The following DCUN1D1 variants were observed in gnomAD, a reference collection of about 807,000 sequenced individuals.
DCUN1D1 encodes defective in cullin neddylation 1 domain containing 1.
A neutral mutation model predicts 39.0 loss-of-function variants in DCUN1D1; 3 were observed. The observed-to-expected ratio is 0.08, with a 90% CI of 0.04 to 0.20. The LOEUF (loss-of-function observed/expected upper bound fraction) is 0.20. Among genes scored for constraint, DCUN1D1 ranks in the 10% least tolerant of loss-of-function variants. The probability of loss-of-function intolerance (pLI) is 1.00; values close to 1 mark genes in which losing one functional copy is unlikely to be tolerated. For synonymous variants in DCUN1D1, 82 were observed against 96.3 expected, an observed-to-expected ratio of 0.85 and a Z score of 0.87; for missense variants, 158 against 302.4, an observed-to-expected ratio of 0.52 and a Z score of 3.54.
chr3:182,979,733 G>C (rs557755592), intron 1 of DCUN1D1, among the ~76,000 whole-genome samples: 1 of 151,928 alleles, frequency 6.6e-6, no homozygotes, highest in Middle Eastern at 3.2e-3. Flanking sequence ...TCGAAAGGGC[G>C]CTCGCTAGTC....
chr3:182,956,011 C>G (rs113971040), intron 4 of DCUN1D1: 17,073 of 153,536 alleles, frequency 0.11, 1,057 homozygotes, highest in Middle Eastern at 0.18. Context: ...TCACTGCAAC[C>G]TCTGACTCCC....
intron 6 of DCUN1D1, 76 bp from the exon 7 acceptor site, chr3:182,945,249 CT>C: frequency 1.1e-5 from 13 of 1,159,344 alleles, no homozygotes; most frequent in South Asian, 1.5e-5. Flanking sequence ...TAGTAGAATC[CT>C]TTTTTTAAGA....
intron 3 of DCUN1D1, among the ~76,000 whole-genome samples, chr3:182,961,865 T>C (rs1291122655): frequency 6.6e-6 from 1 of 152,202 alleles, no homozygotes; most frequent in Admixed American, 6.5e-5. Context: ...TCCAACTGAA[T>C]CATCTCAAAT....
intron 1 of DCUN1D1, among the ~76,000 whole-genome samples, chr3:182,967,441 A>G (rs540428589): frequency 2.6e-5 from 4 of 152,268 alleles, no homozygotes; most frequent in African/African-American, 9.6e-5. Flanking sequence ...GATCACAGTA[A>G]AAACAAGACT....
intron 3 of DCUN1D1, among the ~76,000 whole-genome samples, chr3:182,961,754 C>T (rs567538908): frequency 6.6e-6 from 1 of 152,140 alleles, no homozygotes; most frequent in Non-Finnish European, 1.5e-5. Flanking sequence ...TCTAAATTAA[C>T]TAAAAGTATG....
At chr3:182,977,444 CTT>C (rs1206988964) in intron 1 of DCUN1D1, among the ~76,000 whole-genome samples, 3 of 147,232 alleles carry the variant, frequency 2.0e-5, no homozygotes, top group Admixed American at 6.8e-5. Flanking sequence ...GTTTTGAACA[CTT>C]TTTTTTTTTT....
upstream of DCUN1D1, among the ~76,000 whole-genome samples, chr3:182,984,887 C>T (rs1728677216): frequency 6.6e-6 from 1 of 152,114 alleles, no homozygotes; most frequent in Non-Finnish European, 1.5e-5. Context: ...ATTAAGCCTG[C>T]AGGGTAAACT....
rs375060480 is a variant in DCUN1D1 at position 182,974,372 on chromosome 3, C to A, written c.3+6115G>T. On this transcript the variant is annotated intron_variant, in intron 1 of 6. Coordinates refer to ENST00000292782, the MANE Select transcript of DCUN1D1 (RefSeq NM_020640.4). ...GCAATTGATTCTCTCAAACTTGTTT[C>A]TTGAACTTCTAACAAGAAATCCAAG... Among the ~76,000 whole-genome samples the A allele has an allele frequency of 3.3e-5, 5 of 152,124 alleles. No individual in the cohort carries two copies. The East Asian group carries it at 9.6e-4, about 29-fold the overall frequency.
At chr3:182,947,366 T>C in intron 5 of DCUN1D1, 32 bp from the exon 6 acceptor site, 1 of 1,447,106 alleles carries the variant, frequency 6.9e-7, no homozygotes. Flanking sequence ...AATACATTTG[T>C]ATCACTAAAA....
At chr3:182,980,188 C>G (rs1424950742) in intron 1 of DCUN1D1, 1 of 504,794 alleles carries the variant, frequency 2.0e-6, no homozygotes, top group African/African-American at 2.1e-5. Context: ...CCACCCGCGC[C>G]GGGCCCCGGC....
At chr3:182,980,631 G>T, upstream of DCUN1D1, 2 of 1,013,846 alleles carry the variant, frequency 2.0e-6, no homozygotes, top group South Asian at 4.3e-5. Context: ...CGAGGAGGCA[G>T]CCCCGGACCT....
intron 4 of DCUN1D1, among the ~76,000 whole-genome samples, chr3:182,950,618 G>A (rs1726666679): frequency 6.6e-6 from 1 of 151,820 alleles, no homozygotes; most frequent in South Asian, 2.1e-4. Context: ...CCCTTCACAG[G>A]TAACCTTGAA....
At chr3:182,965,844 CT>C in intron 1 of DCUN1D1, 91 bp from the exon 2 acceptor site, 1 of 803,684 alleles carries the variant, frequency 1.2e-6, no homozygotes, top group Non-Finnish European at 2.0e-6. Context: ...CTTAGTAATA[CT>C]TTTTCCTCAC....
upstream of DCUN1D1, among the ~76,000 whole-genome samples, chr3:182,985,158 C>T (rs1025836762): frequency 1.3e-5 from 2 of 152,200 alleles, no homozygotes; most frequent in African/African-American, 4.8e-5. Flanking sequence ...GACTAGGCCT[C>T]AGTCAGAGTG....
intron 1 of DCUN1D1, chr3:182,980,153 CCCTCCCCCCGCCCCAACG>C: frequency 1.6e-6 from 1 of 635,128 alleles, no homozygotes; most frequent in Non-Finnish European, 2.0e-6. Context: ...TTGCCCCCTC[CCCTCCCCCCGCCCCAACG>C]CCTCCCCCAC....
At chr3:182,964,934 C>A (rs770798574) in intron 2 of DCUN1D1, among the ~76,000 whole-genome samples, 5 of 152,146 alleles carry the variant, frequency 3.3e-5, no homozygotes, top group Admixed American at 6.5e-5. Flanking sequence ...CCACCACGCC[C>A]AGCCTTGCTA....
At chr3:182,970,059 G>C (rs1009769085) in intron 1 of DCUN1D1, among the ~76,000 whole-genome samples, 1 of 152,092 alleles carries the variant, frequency 6.6e-6, no homozygotes, top group African/African-American at 2.4e-5. Flanking sequence ...TTCAAGACTA[G>C]TCTGGCCTGG....
chr3:182,941,405 A>G lies in DCUN1D1; in HGVS notation c.*3689T>C, dbSNP rs182567521. The G allele has an allele frequency of 3.3e-5, 5 of 152,096 alleles. No homozygotes were observed. Among genetic ancestry groups the G allele is most frequent in the Admixed American group, 2.0e-4 (3 of 15,264 alleles). 9.4% of individuals were successfully genotyped at this position (152,096 alleles called of 1,614,324 possible). A position where few individuals can be genotyped will look rare whatever the true frequency, so the allele number is the denominator to read the frequency against. ...AAATAAAAATAGAAATTATTGCTAT[A>G]TTATGATTGTAAAAATGGAGGCAAT... On this transcript the variant is annotated 3_prime_UTR_variant, in exon 7 of 7. Transcript: ENST00000292782.
intron 1 of DCUN1D1, among the ~76,000 whole-genome samples, chr3:182,975,613 G>A (rs1324496751): frequency 2.0e-5 from 3 of 150,622 alleles, no homozygotes; most frequent in Non-Finnish European, 4.4e-5. Flanking sequence ...TATTCAGCAT[G>A]ACAAGGAAGA....
Sources: gnomAD v4.1 joint callset for allele counts (sites outside exome capture counted in the v4.1 genomes callset) on GRCh38, gnomAD v4.1.1 for gene constraint, MANE v1.5 for transcripts, NCBI Gene and HGNC (gene_info 2026-07-23, HGNC 2026-07-21) for gene names.